Variants in SOX5 observed in about 807,000 individuals in gnomAD.
SOX5 encodes transcription factor SOX-5.
SOX5 carries 9 observed loss-of-function variants against 92.0 expected under a neutral mutation model. The observed-to-expected ratio is 0.10, with a 90% confidence interval of 0.06 to 0.17. The LOEUF (loss-of-function observed/expected upper bound fraction) is 0.17, where lower values mean the gene tolerates loss of function less well. Among genes scored for constraint, SOX5 ranks in the 10% least tolerant of loss-of-function variants. The pLI is 1.00. For missense variants in SOX5, 642 were observed against 944.5 expected (o/e 0.68, Z 4.20); for synonymous variants, 344 against 336.3 (o/e 1.02, Z -0.25).
chr12:23,615,172 C>T (rs1192294556), intron 8 of SOX5, among the ~76,000 whole-genome samples: 5 of 151,864 alleles, frequency 3.3e-5, no homozygotes, highest in Admixed American at 1.3e-4. Flanking sequence ...AGTGGTATCT[C>T]GTAGTTTTAA....
chr12:23,710,599 C>T (rs2091953249), intron 6 of SOX5, among the ~76,000 whole-genome samples: 1 of 152,180 alleles, frequency 6.6e-6, no homozygotes, highest in South Asian at 2.1e-4. Context: ...CATAGTATTC[C>T]ATGGTGTATA....
intron 1 of SOX5, among the ~76,000 whole-genome samples, chr12:24,378,604 C>T (rs1015837436): frequency 1.3e-5 from 2 of 152,146 alleles, no homozygotes; most frequent in African/African-American, 4.8e-5. Flanking sequence ...AATCTCCTTC[C>T]GCTTGACTCC....
intron 9 of SOX5, among the ~76,000 whole-genome samples, chr12:23,586,234 A>G (rs1189700761): frequency 6.6e-6 from 1 of 152,118 alleles, no homozygotes; most frequent in Non-Finnish European, 1.5e-5. Context: ...TTCCTTTATG[A>G]ACACAAAATT....
chr12:24,222,380 AT>A (rs969303626), intron 3 of SOX5, among the ~76,000 whole-genome samples: 1 of 151,638 alleles, frequency 6.6e-6, no homozygotes, highest in African/African-American at 2.4e-5. Flanking sequence ...TGAATGTGGA[AT>A]TTTTTTTTCT....
chr12:24,304,650 C>T (rs1251156170), intron 2 of SOX5, among the ~76,000 whole-genome samples: 1 of 152,272 alleles, frequency 6.6e-6, no homozygotes, highest in Non-Finnish European at 1.5e-5. Flanking sequence ...AAATCACTCT[C>T]CTGACCATTT....
intron 4 of SOX5, among the ~76,000 whole-genome samples, chr12:24,054,670 A>G (rs1313080891): frequency 6.6e-6 from 1 of 152,232 alleles, no homozygotes; most frequent in Non-Finnish European, 1.5e-5. Flanking sequence ...AACCAGAATT[A>G]GAGCAAAGAA....
rs542270711 is a variant in SOX5, at chr12:23,876,539, A to G, written c.270+19254T>C. ...TTTTACACTGTTCGTAGGAGTATAA[A>G]TTAGTTCAACCATTGTGGAAGACAG... On this transcript the variant is annotated intron_variant, in intron 2 of 14. Transcript: ENST00000451604. Among the ~76,000 whole-genome samples the G allele has an allele frequency of 2.4e-3, 362 of 152,338 alleles. 1 individual carries two copies. Among genetic ancestry groups the G allele is most frequent in the Admixed American group, 4.8e-3 (74 of 15,298 alleles).
At chr12:24,111,686 T>C (rs1947364723) in intron 4 of SOX5, among the ~76,000 whole-genome samples, 1 of 151,628 alleles carries the variant, frequency 6.6e-6, no homozygotes, top group Non-Finnish European at 1.5e-5. Flanking sequence ...TAAAAAAAGA[T>C]TTTTCGTCAA....
At chr12:23,971,373 C>A (rs928284424) in intron 4 of SOX5, among the ~76,000 whole-genome samples, 1 of 151,522 alleles carries the variant, frequency 6.6e-6, no homozygotes, top group South Asian at 2.1e-4. Flanking sequence ...CCACCTGCCT[C>A]AGCCTCCCAA....
rs192245500 is a variant in SOX5, at chr12:23,883,136, G to C, written c.270+12657C>G. Reference sequence around the variant, plus strand: ...GTGGAGCTTGCGGTGAGCTGAGATCGCGCCACTGCACTCCAGCCTGGGCGA... The same window carrying C: ...GTGGAGCTTGCGGTGAGCTGAGATCCCGCCACTGCACTCCAGCCTGGGCGA... On this transcript the variant is annotated intron_variant, in intron 2 of 14. Transcript: ENST00000451604. 3.2e-4 allele frequency among the ~76,000 whole-genome samples: 48 copies of C among 151,520 alleles called. 2 individuals carry two copies. In the East Asian group the frequency reaches 8.2e-3, roughly 26 times the overall value.
At chr12:24,515,125 A>G (rs1285991427) in intron 1 of SOX5, among the ~76,000 whole-genome samples, 1 of 152,176 alleles carries the variant, frequency 6.6e-6, no homozygotes, top group Admixed American at 6.5e-5. Context: ...GTAATATAGG[A>G]ATTGACTCAT....
intron 4 of SOX5, among the ~76,000 whole-genome samples, chr12:24,153,999 A>G (rs1392716189): frequency 1.3e-5 from 2 of 152,112 alleles, no homozygotes; most frequent in African/African-American, 4.8e-5. Context: ...GGAACATTCC[A>G]TCTTTCATCC....
At chr12:23,873,368 G>A (rs1290031807) in intron 2 of SOX5, among the ~76,000 whole-genome samples, 1 of 152,092 alleles carries the variant, frequency 6.6e-6, no homozygotes, top group Non-Finnish European at 1.5e-5. Flanking sequence ...AGCTACTGGG[G>A]AGGCAGAGGT....
intron 4 of SOX5, among the ~76,000 whole-genome samples, chr12:24,104,055 A>G (rs533047833): frequency 1.3e-5 from 2 of 152,206 alleles, no homozygotes; most frequent in African/African-American, 4.8e-5. Context: ...CAAGTTTTGA[A>G]TCTATTTATT....
intron 8 of SOX5, among the ~76,000 whole-genome samples, chr12:23,638,888 A>G (rs77649463): frequency 1.6e-5 from 1 of 63,864 alleles, no homozygotes; most frequent in Non-Finnish European, 3.7e-5. Flanking sequence ...TTCTCACTGC[A>G]AAAAAAAAAA....
intron 4 of SOX5, among the ~76,000 whole-genome samples, chr12:24,173,979 A>G (rs2139173763): frequency 6.6e-6 from 1 of 151,558 alleles, no homozygotes; most frequent in South Asian, 2.1e-4. Context: ...CAGAAATCTA[A>G]GGGTGCTTTT....
chr12:24,345,125 G>A (rs1170042618), intron 2 of SOX5, among the ~76,000 whole-genome samples: 1 of 152,190 alleles, frequency 6.6e-6, no homozygotes, highest in African/African-American at 2.4e-5. Context: ...TATGGGGTAA[G>A]AGAACGTCAC....
At chr12:24,252,937 C>G (rs1030589389) in intron 3 of SOX5, among the ~76,000 whole-genome samples, 1 of 152,098 alleles carries the variant, frequency 6.6e-6, no homozygotes, top group East Asian at 1.9e-4. Flanking sequence ...GCTGATAAAT[C>G]GATACAGCAA....
intron 3 of SOX5, among the ~76,000 whole-genome samples, chr12:23,756,794 G>A (rs2094397149): frequency 1.3e-5 from 2 of 151,914 alleles, no homozygotes; most frequent in Non-Finnish European, 2.9e-5. Flanking sequence ...GGAGCATAAA[G>A]GGAGTACATG....
Sources: gnomAD v4.1 joint callset for allele counts (sites outside exome capture counted in the v4.1 genomes callset) on GRCh38, gnomAD v4.1.1 for gene constraint, MANE v1.5 for transcripts, NCBI Gene and HGNC (gene_info 2026-07-23, HGNC 2026-07-21) for gene names.